SGCD: variants seen among roughly 807,000 people sequenced by gnomAD.
SGCD encodes delta-sarcoglycan.
A neutral mutation model predicts 36.6 loss-of-function variants in SGCD; 18 were observed. The ratio of observed to expected loss-of-function variants is 0.49; its 90% CI spans 0.34 to 0.73. The LOEUF (loss-of-function observed/expected upper bound fraction) is 0.73. SGCD is among the 30% of genes least tolerant of loss of function. The probability of loss-of-function intolerance (pLI) is 0.01; values close to 1 mark genes in which losing one functional copy is unlikely to be tolerated. For synonymous variants in SGCD, 133 were observed against 130.6 expected, an observed-to-expected ratio of 1.02 and a Z score of -0.12; for missense variants, 387 against 346.7, an observed-to-expected ratio of 1.12 and a Z score of -0.92.
At chr5:155,838,009 C>A in the SGCD span, among the ~76,000 whole-genome samples, 3 of 152,086 alleles carry the variant, frequency 2.0e-5, no homozygotes, top group East Asian at 5.8e-4. Flanking sequence ...GAGGAAACAG[C>A]GTAATGAACT....
At chr5:156,365,911 CAT>C (rs34244807) in intron 3 of SGCD, among the ~76,000 whole-genome samples, 62,300 of 151,882 alleles carry the variant, frequency 0.41, 13,537 homozygotes, top group East Asian at 0.79. Context: ...TGTGTATACA[CAT>C]ATATACATGT....
chr5:156,381,373 AC>A (rs1310522476), intron 3 of SGCD, among the ~76,000 whole-genome samples: 2 of 152,298 alleles, frequency 1.3e-5, no homozygotes, highest in African/African-American at 4.8e-5. Flanking sequence ...AAGTTGGAAT[AC>A]CATTTTTCAT....
intron 3 of SGCD, among the ~76,000 whole-genome samples, chr5:156,372,359 A>C: frequency 6.6e-6 from 1 of 152,320 alleles, no homozygotes; most frequent in East Asian, 1.9e-4. Flanking sequence ...TGATGCAATA[A>C]GAGATGGCCT....
chr5:156,073,927 C>G (rs975219087), intron 1 of SGCD, among the ~76,000 whole-genome samples: 12 of 152,082 alleles, frequency 7.9e-5, no homozygotes, highest in Non-Finnish European at 1.8e-4. Flanking sequence ...TGGCAAAGCA[C>G]TGGGGTGGAG....
chr5:156,040,188 A>C (rs1461144084), intron 1 of SGCD, among the ~76,000 whole-genome samples: 2 of 152,192 alleles, frequency 1.3e-5, no homozygotes, highest in African/African-American at 4.8e-5. Context: ...CACCCCTTGC[A>C]TATTCCTTTT....
At chr5:156,256,462 A>T (rs7725829) in intron 3 of SGCD, among the ~76,000 whole-genome samples, 103,955 of 152,004 alleles carry the variant, frequency 0.68, 36,272 homozygotes, top group East Asian at 0.92. Flanking sequence ...CTCACTTAAC[A>T]TCATGCTTTC....
chr5:155,816,691 A>C, the SGCD span, among the ~76,000 whole-genome samples: 1 of 152,164 alleles, frequency 6.6e-6, no homozygotes, highest in Admixed American at 6.6e-5. Flanking sequence ...AGTTTTGAGC[A>C]AAAAGTTGAA....
At chr5:156,441,721 T>G (rs1753498831) in intron 3 of SGCD, among the ~76,000 whole-genome samples, 1 of 152,196 alleles carries the variant, frequency 6.6e-6, no homozygotes, top group Admixed American at 6.5e-5. Flanking sequence ...CCTGTATAAG[T>G]ATAGAGAAAG....
At chr5:155,811,384 C>G in the SGCD span, among the ~76,000 whole-genome samples, 1 of 152,090 alleles carries the variant, frequency 6.6e-6, no homozygotes, top group Non-Finnish European at 1.5e-5. Context: ...GTAGAATAAA[C>G]CTGGATTCTT....
At chr5:156,618,682 A>G (rs1762112497) in intron 6 of SGCD, among the ~76,000 whole-genome samples, 1 of 151,440 alleles carries the variant, frequency 6.6e-6, no homozygotes, top group South Asian at 2.1e-4. Flanking sequence ...GTCTGTAGGC[A>G]GCATAAGCTA....
At chr5:156,033,016 G>T (rs1002863993) in intron 1 of SGCD, among the ~76,000 whole-genome samples, 1 of 151,704 alleles carries the variant, frequency 6.6e-6, no homozygotes, top group Non-Finnish European at 1.5e-5. Context: ...GGTCAAAGCT[G>T]CAGTGAGCTG....
intron 3 of SGCD, among the ~76,000 whole-genome samples, chr5:156,349,611 T>C (rs1294518011): frequency 6.6e-6 from 1 of 152,092 alleles, no homozygotes; most frequent in African/African-American, 2.4e-5. Flanking sequence ...GGTTTGGATG[T>C]GGTGAAGAAG....
chr5:155,969,107 G>T (rs983356449), intron 1 of SGCD, among the ~76,000 whole-genome samples: 4 of 152,128 alleles, frequency 2.6e-5, no homozygotes, highest in African/African-American at 4.8e-5. Flanking sequence ...ACAAAAAAAG[G>T]TATTGCTGTG....
chr5:156,450,935 G>A (rs1362633171), intron 3 of SGCD, among the ~76,000 whole-genome samples: 1 of 152,138 alleles, frequency 6.6e-6, no homozygotes, highest in Non-Finnish European at 1.5e-5. Flanking sequence ...TGAATAAAAT[G>A]TATGCAGACT....
At chr5:155,822,387 C>T in the SGCD span, among the ~76,000 whole-genome samples, 1 of 152,210 alleles carries the variant, frequency 6.6e-6, no homozygotes, top group East Asian at 1.9e-4. Flanking sequence ...TGGTTTATTC[C>T]TGCTGGATGC....
intron 6 of SGCD, among the ~76,000 whole-genome samples, chr5:156,642,265 T>C (rs1286989279): frequency 3.3e-5 from 5 of 152,062 alleles, no homozygotes; most frequent in Admixed American, 6.6e-5. Flanking sequence ...CATCTGAATT[T>C]TGGGGGGACA....
At chr5:156,519,022 A>G (rs1049804011) in intron 4 of SGCD, among the ~76,000 whole-genome samples, 6 of 152,246 alleles carry the variant, frequency 3.9e-5, no homozygotes, top group Admixed American at 2.0e-4. Flanking sequence ...AAGGAGTTGG[A>G]GACACAAAAA....
At chr5:155,962,842 T>G (rs143728759) in intron 1 of SGCD, among the ~76,000 whole-genome samples, 1 of 152,240 alleles carries the variant, frequency 6.6e-6, no homozygotes, top group Admixed American at 6.5e-5. Flanking sequence ...CCACCAGGAC[T>G]TATGTGTTGA....
intron 4 of SGCD, among the ~76,000 whole-genome samples, chr5:156,530,120 G>A (rs1372660088): frequency 1.3e-5 from 2 of 152,096 alleles, no homozygotes; most frequent in Admixed American, 6.5e-5. Context: ...TCTCAACCTC[G>A]TAAGCCACAG....
Sources: allele counts gnomAD v4.1 joint callset (sites outside exome capture counted in the v4.1 genomes callset), GRCh38; gene constraint gnomAD v4.1.1; transcripts MANE v1.5; gene names NCBI Gene and HGNC (gene_info 2026-07-23, HGNC 2026-07-21).